The following TTLL9 variants were observed in gnomAD, a reference collection of about 807,000 sequenced individuals.
TTLL9 encodes the protein tubulin tyrosine ligase like 9.
Under a neutral mutation model 65.6 loss-of-function variants are expected in TTLL9, and 47 were observed. The observed-to-expected ratio is 0.72, with a 90% CI of 0.57 to 0.91. The LOEUF (loss-of-function observed/expected upper bound fraction) is 0.91, where lower values mean the gene tolerates loss of function less well. Ranked by LOEUF, TTLL9 falls within the 40% of genes least tolerant of loss-of-function variation. TTLL9 has a pLI of 0.00. For synonymous variants in TTLL9, 179 were observed against 204.8 expected (o/e 0.87, Z 1.07); for missense variants, 537 against 568.8 (o/e 0.94, Z 0.57).
Position 31,944,772 on chromosome 20 carries a change from G to A in TTLL9, c.*1751G>A, listed in dbSNP as rs1228868437. On this transcript the variant is annotated 3_prime_UTR_variant, in exon 15 of 15. Coordinates refer to ENST00000535842, the MANE Select transcript of TTLL9 (RefSeq NM_001008409.5). ...ACAGCCTGTGTTTCTATGTAACTAT[G>A]AGCCAGAGCCAAGGAGCGGGGGGAC... is the stretch of plus-strand genomic sequence containing the variant. 6.6e-6 allele frequency: 1 copy of A among 152,204 alleles called. No homozygotes were observed. Among genetic ancestry groups the A allele is most frequent in the East Asian group, 1.9e-4 (1 of 5,186 alleles). 9.4% of individuals were successfully genotyped at this position (152,204 alleles called of 1,614,324 possible).
intron 2 of TTLL9, among the ~76,000 whole-genome samples, chr20:31,873,690 GAAAGAAAGAA>G (rs2062976169): frequency 5.8e-5 from 3 of 51,716 alleles, no homozygotes; most frequent in African/African-American, 1.9e-4. Flanking sequence ...GAGAGAGAAA[GAAAGAAAGAA>G]AGAAAGAAAG....
chr20:31,871,392 T>A (rs1232748485), intron 2 of TTLL9, among the ~76,000 whole-genome samples, 197 bp downstream of exon 2: 1 of 152,174 alleles, frequency 6.6e-6, no homozygotes, highest in Non-Finnish European at 1.5e-5. Flanking sequence ...TTTCTGAGGA[T>A]GTTGAGGTGA....
intron 4 of TTLL9, among the ~76,000 whole-genome samples, chr20:31,907,045 A>G (rs1443061473): frequency 6.6e-6 from 1 of 152,214 alleles, no homozygotes; most frequent in East Asian, 1.9e-4. Context: ...CTATGTATCA[A>G]AAGGATCGAT....
At chr20:31,924,018 C>T (rs1162803571) in intron 8 of TTLL9, among the ~76,000 whole-genome samples, 1 of 152,176 alleles carries the variant, frequency 6.6e-6, no homozygotes, top group Non-Finnish European at 1.5e-5. Flanking sequence ...TCCCATCCCC[C>T]CACCATGCCT....
intron 2 of TTLL9, among the ~76,000 whole-genome samples, chr20:31,882,615 A>G (rs2063133969): frequency 1.3e-5 from 2 of 152,174 alleles, no homozygotes; most frequent in African/African-American, 4.8e-5. Flanking sequence ...TTTTCTCAAT[A>G]AGATAATTTT....
intron 7 of TTLL9, among the ~76,000 whole-genome samples, chr20:31,921,380 G>C (rs1218591515): frequency 1.3e-5 from 2 of 152,246 alleles, no homozygotes; most frequent in East Asian, 3.8e-4. Flanking sequence ...TGGTGGGACT[G>C]TAAACTAGTT....
chr20:31,914,919 C>T (rs2063711391), intron 6 of TTLL9, among the ~76,000 whole-genome samples: 1 of 152,208 alleles, frequency 6.6e-6, no homozygotes, highest in Non-Finnish European at 1.5e-5. Context: ...TGTTGGAGGC[C>T]TGCAAGGTGC....
chr20:31,930,431 A>G (rs1053791610), intron 10 of TTLL9, among the ~76,000 whole-genome samples: 2 of 152,202 alleles, frequency 1.3e-5, no homozygotes, highest in African/African-American at 4.8e-5. Context: ...TTGAAATTAT[A>G]TATCTTCTAT....
chr20:31,905,853 G>A (rs930163553), intron 4 of TTLL9, among the ~76,000 whole-genome samples: 1 of 152,074 alleles, frequency 6.6e-6, no homozygotes, highest in African/African-American at 2.4e-5. Context: ...GACCAACATG[G>A]AGAAACCCTG....
chr20:31,926,256 C>T lies in TTLL9; in HGVS notation c.748+165C>T, dbSNP rs968047249. On this transcript the variant is annotated intron_variant, in intron 10 of 14. Coordinates refer to ENST00000535842, the MANE Select transcript of TTLL9 (RefSeq NM_001008409.5). Reference sequence around the variant, plus strand: ...TCACATTTACTTATATTCCTAGGGTCGGACAGTTTTAGCCCCTTTGGAGAA... The same window carrying T: ...TCACATTTACTTATATTCCTAGGGTTGGACAGTTTTAGCCCCTTTGGAGAA... 5.9e-5 allele frequency among the ~76,000 whole-genome samples: 9 copies of T among 152,256 alleles called. 1 individual carries two copies. Among genetic ancestry groups the T allele is most frequent in the East Asian group, 3.9e-4 (2 of 5,186 alleles).
intron 2 of TTLL9, among the ~76,000 whole-genome samples, chr20:31,883,409 G>T (rs759979067): frequency 2.0e-5 from 3 of 152,016 alleles, no homozygotes; most frequent in Non-Finnish European, 4.4e-5. Context: ...TGTTGACCAG[G>T]CTGGCCTTGA....
chr20:31,916,853 T>G (rs1312743384), intron 6 of TTLL9, among the ~76,000 whole-genome samples: 2 of 152,248 alleles, frequency 1.3e-5, no homozygotes, highest in Non-Finnish European at 2.9e-5. Flanking sequence ...TCCTGGAATC[T>G]CTGAGCAAAT....
intron 9 of TTLL9, 69 bp downstream of exon 9, chr20:31,925,118 G>A: frequency 2.6e-6 from 4 of 1,525,476 alleles, no homozygotes; most frequent in East Asian, 2.3e-5. Context: ...GAGATGGGGG[G>A]AAGAGGCCTG....
intron 6 of TTLL9, among the ~76,000 whole-genome samples, chr20:31,916,668 G>T (rs1359072541): frequency 1.3e-5 from 2 of 152,184 alleles, no homozygotes; most frequent in African/African-American, 4.8e-5. Flanking sequence ...CTGTGTGCTG[G>T]CTTTTTGTCA....
chr20:31,941,254 C>T (rs1414372762), intron 14 of TTLL9: 12 of 151,396 alleles, frequency 7.9e-5, no homozygotes, highest in Admixed American at 2.6e-4. Flanking sequence ...AGAAAATAGA[C>T]CCCACCTTTT....
At chr20:31,889,609 G>C (rs2063253435) in intron 3 of TTLL9, among the ~76,000 whole-genome samples, 1 of 152,066 alleles carries the variant, frequency 6.6e-6, no homozygotes, top group South Asian at 2.1e-4. Flanking sequence ...TTTTAGTAGA[G>C]ACGGAGTTTC....
chr20:31,882,410 C>T (rs747729597), intron 2 of TTLL9, among the ~76,000 whole-genome samples: 1 of 152,090 alleles, frequency 6.6e-6, no homozygotes, highest in Non-Finnish European at 1.5e-5. Context: ...GTAGGTATTA[C>T]CAGGGAGCTC....
Position 31,870,692 on chromosome 20 carries a change from G to T in TTLL9, c.-263G>T. 1 of 920,698 alleles carries T rather than the reference G, an allele frequency of 1.1e-6. No homozygotes were observed. Among genetic ancestry groups the T allele is most frequent in the Non-Finnish European group, 1.4e-6 (1 of 690,410 alleles). The allele number at this position is 920,698 out of a possible 1,614,324, so 57.0% of individuals were successfully genotyped here. ...CAGTTTGTTGGGGCCGCGTGGGGCC[G>T]CCACCTCCGGAGGTGGGGGCGGGGG... On this transcript the variant is annotated 5_prime_UTR_variant, in exon 1 of 15. Transcript: ENST00000535842. This position sits in a 1 kb window ranked among gnomAD's most constrained non-coding sequence, Gnocchi z 6.6.
At chr20:31,874,779 AT>A (rs1201600456) in intron 2 of TTLL9, among the ~76,000 whole-genome samples, 6 of 152,186 alleles carry the variant, frequency 3.9e-5, no homozygotes, top group Non-Finnish European at 8.8e-5. Flanking sequence ...AAGTGTCATT[AT>A]TAGTGAAAGA....
Sources: allele counts gnomAD v4.1 joint callset (sites outside exome capture counted in the v4.1 genomes callset), GRCh38; gene constraint gnomAD v4.1.1; non-coding constraint Gnocchi (gnomAD v3.1); transcripts MANE v1.5; gene names NCBI Gene and HGNC (gene_info 2026-07-23, HGNC 2026-07-21).